The following TASP1 variants were observed in gnomAD, a reference collection of about 807,000 sequenced individuals.
TASP1 encodes the protein taspase 1, also known as threonine aspartase 1.
TASP1 carries 16 observed loss-of-function variants against 56.6 expected under a neutral mutation model. The ratio of observed to expected loss-of-function variants is 0.28; its 90% CI spans 0.19 to 0.43. The LOEUF is 0.43. Among genes scored for constraint, TASP1 ranks in the 20% least tolerant of loss-of-function variants. TASP1 has a pLI of 1.00. For synonymous variants in TASP1, 179 were observed against 184.2 expected (o/e 0.97, Z 0.23); for missense variants, 393 against 511.6 (o/e 0.77, Z 2.24).
the TASP1 span, among the ~76,000 whole-genome samples, chr20:13,337,668 T>C: frequency 3.9e-5 from 6 of 152,338 alleles, no homozygotes; most frequent in African/African-American, 1.4e-4. Context: ...GTGGTAACCA[T>C]ATTATTTCAT....
the TASP1 span, among the ~76,000 whole-genome samples, chr20:13,310,497 T>C: frequency 2.0e-5 from 3 of 151,988 alleles, no homozygotes; most frequent in Admixed American, 6.6e-5. Context: ...AAAAAAAATG[T>C]ATTGACATTG....
At chr20:13,447,043 G>C (rs990153385) in intron 11 of TASP1, among the ~76,000 whole-genome samples, 1 of 152,052 alleles carries the variant, frequency 6.6e-6, no homozygotes, top group Non-Finnish European at 1.5e-5. Flanking sequence ...ATATCTATAG[G>C]ACATATTTCT....
At chr20:13,361,431 C>T in the TASP1 span, among the ~76,000 whole-genome samples, 29,403 of 151,674 alleles carry the variant, frequency 0.19, 3,456 homozygotes, top group African/African-American at 0.32. Flanking sequence ...ATATCCCTTA[C>T]GGTCCTCCAT....
chr20:13,231,238 G>C, the TASP1 span, among the ~76,000 whole-genome samples: 7,213 of 152,252 alleles, frequency 0.047, 254 homozygotes, highest in Non-Finnish European at 0.074. Flanking sequence ...GCCCCTGCTT[G>C]TTGTTGTCAT....
At chr20:13,247,554 GTGTGTA>G in the TASP1 span, among the ~76,000 whole-genome samples, 2 of 147,650 alleles carry the variant, frequency 1.4e-5, no homozygotes, top group African/African-American at 2.5e-5. Flanking sequence ...GTGTGTGTGT[GTGTGTA>G]GGTAGGTAGG....
intron 6 of TASP1, among the ~76,000 whole-genome samples, chr20:13,572,812 A>AT (rs1187782556): frequency 1.3e-5 from 2 of 152,228 alleles, no homozygotes; most frequent in South Asian, 4.2e-4. Flanking sequence ...ACTCATGTGA[A>AT]TTACAATCTC....
At chr20:13,376,179 G>C in the TASP1 span, among the ~76,000 whole-genome samples, 1 of 152,078 alleles carries the variant, frequency 6.6e-6, no homozygotes, top group African/African-American at 2.4e-5. Flanking sequence ...GTATTGCCTA[G>C]GTTTTCTTCT....
At chr20:13,325,969 C>T in the TASP1 span, among the ~76,000 whole-genome samples, 2 of 152,178 alleles carry the variant, frequency 1.3e-5, no homozygotes, top group African/African-American at 2.4e-5. Flanking sequence ...TCTTTATAGT[C>T]ACATCTTCCA....
the TASP1 span, among the ~76,000 whole-genome samples, chr20:13,152,663 C>T: frequency 6.6e-6 from 1 of 152,196 alleles, no homozygotes; most frequent in East Asian, 1.9e-4. Flanking sequence ...GCTCCATCAT[C>T]AAACCAATAA....
chr20:13,242,476 A>G, the TASP1 span, among the ~76,000 whole-genome samples: 1 of 152,218 alleles, frequency 6.6e-6, no homozygotes, highest in Non-Finnish European at 1.5e-5. Context: ...GTGGAAAATG[A>G]GAGATTGATT....
At chr20:13,213,838 C>T in the TASP1 span, among the ~76,000 whole-genome samples, 3 of 152,276 alleles carry the variant, frequency 2.0e-5, no homozygotes, top group Admixed American at 1.3e-4. Context: ...AGCCCAAACA[C>T]ATAATCCGAA....
the TASP1 span, among the ~76,000 whole-genome samples, chr20:13,331,982 T>A: frequency 1.3e-5 from 2 of 152,106 alleles, no homozygotes; most frequent in Admixed American, 1.3e-4. Context: ...CTGGAGCACG[T>A]TTTAATGTTC....
chr20:13,372,779 T>C, the TASP1 span, among the ~76,000 whole-genome samples: 4 of 152,118 alleles, frequency 2.6e-5, no homozygotes, highest in Non-Finnish European at 5.9e-5. Context: ...AATGGTTTTT[T>C]ATAACTTATT....
intron 10 of TASP1, among the ~76,000 whole-genome samples, chr20:13,488,327 C>CA (rs1276730352): frequency 6.6e-6 from 1 of 151,830 alleles, no homozygotes. Flanking sequence ...AATTCACCTA[C>CA]AAAAAAATTC....
chr20:13,444,391 CT>C (rs1178794282), intron 11 of TASP1, among the ~76,000 whole-genome samples: 1 of 152,104 alleles, frequency 6.6e-6, no homozygotes, highest in Non-Finnish European at 1.5e-5. Context: ...CGCCAAATCA[CT>C]TGAATGCCAT....
intron 13 of TASP1, among the ~76,000 whole-genome samples, chr20:13,414,479 T>A (rs766747274): frequency 6.6e-6 from 1 of 152,184 alleles, no homozygotes; most frequent in Non-Finnish European, 1.5e-5. Flanking sequence ...TATAAAATAG[T>A]CTGCTCCTCC....
intron 10 of TASP1, among the ~76,000 whole-genome samples, chr20:13,514,033 A>C (rs1409910264): frequency 6.6e-6 from 1 of 152,190 alleles, no homozygotes; most frequent in Non-Finnish European, 1.5e-5. Context: ...AGGCAAATCT[A>C]AATTTTAAGG....
chr20:13,387,683 A>G (rs1316676564), downstream of TASP1, among the ~76,000 whole-genome samples: 1 of 152,212 alleles, frequency 6.6e-6, no homozygotes, highest in Non-Finnish European at 1.5e-5. Flanking sequence ...ATACCTAGTA[A>G]TGGGATTATT....
In TASP1 at chr20:13,510,850, T is replaced by C. The variant is rs555071807; in HGVS notation, c.874+17583A>G. Among the ~76,000 whole-genome samples, 5 of 152,252 alleles carry C rather than the reference T, an allele frequency of 3.3e-5. No individual in the cohort carries two copies. In the South Asian group the frequency reaches 1.0e-3, roughly 32 times the overall value. ...TAACTACTGTTATCATCCTTATTAT[T>C]ATCTCTTTTAGTTTTTGGTTCATCC... On this transcript the variant is annotated intron_variant, in intron 10 of 13. Transcript: ENST00000337743.
Sources: allele counts gnomAD v4.1 joint callset (sites outside exome capture counted in the v4.1 genomes callset), GRCh38; gene constraint gnomAD v4.1.1; transcripts MANE v1.5; gene names NCBI Gene and HGNC (gene_info 2026-07-23, HGNC 2026-07-21).